Variants in COL11A1 observed in about 807,000 individuals in gnomAD.
COL11A1 encodes the protein collagen alpha-1(XI) chain.
A neutral mutation model predicts 265.2 loss-of-function variants in COL11A1; 74 were observed. That is an observed-to-expected ratio of 0.28 (90% CI 0.23 to 0.34). COL11A1 has a LOEUF of 0.34. Ranked by LOEUF, COL11A1 falls within the 10% of genes least tolerant of loss-of-function variation. COL11A1 has a pLI of 1.00. For synonymous variants in COL11A1, 816 were observed against 727.6 expected (o/e 1.12, Z -1.96); for missense variants, 2,165 against 2,263.6 (o/e 0.96, Z 0.88).
At chr1:102,905,756 C>G (rs1446490349) in intron 54 of COL11A1, among the ~76,000 whole-genome samples, 1 of 151,938 alleles carries the variant, frequency 6.6e-6, no homozygotes, top group Non-Finnish European at 1.5e-5. Flanking sequence ...AAGGGATAAC[C>G]AATTTATATT....
chr1:102,929,811 C>A (rs1309919137), intron 46 of COL11A1, among the ~76,000 whole-genome samples: 1 of 152,058 alleles, frequency 6.6e-6, no homozygotes, highest in Admixed American at 6.5e-5. Flanking sequence ...CCTTCACATC[C>A]TTGTAAGTTG....
chr1:103,066,921 CA>C (rs1364608929), intron 4 of COL11A1, among the ~76,000 whole-genome samples: 2 of 151,464 alleles, frequency 1.3e-5, no homozygotes, highest in Non-Finnish European at 3.0e-5. Context: ...GACGTCAAGG[CA>C]AAAAATACTA....
intron 35 of COL11A1, among the ~76,000 whole-genome samples, chr1:102,976,458 C>T (rs1662505278): frequency 6.6e-6 from 1 of 151,830 alleles, no homozygotes; most frequent in Non-Finnish European, 1.5e-5. Flanking sequence ...ACCACCATGC[C>T]CAGCTAATTT....
chr1:103,031,294 T>C (rs1667979905), intron 4 of COL11A1, 50 bp from the exon 5 acceptor site: 2 of 1,581,726 alleles, frequency 1.3e-6, no homozygotes, highest in South Asian at 1.1e-5. Context: ...TCAGTTAGCA[T>C]ATTAAAGTAC....
intron 38 of COL11A1, among the ~76,000 whole-genome samples, 159 bp from the exon 39 acceptor site, chr1:102,962,919 A>G (rs898618644): frequency 1.3e-4 from 20 of 152,356 alleles, no homozygotes; most frequent in Admixed American, 1.2e-3. Context: ...TGAAAGTAGC[A>G]TATCAAGTAA....
chr1:103,083,238 GTGTC>G (rs1672567196), intron 1 of COL11A1, among the ~76,000 whole-genome samples: 1 of 74,572 alleles, frequency 1.3e-5, no homozygotes, highest in East Asian at 3.4e-4. Context: ...GTGTGTGTGT[GTGTC>G]TGTGTCTGTG....
In COL11A1 at chr1:102,914,753, G is replaced by A. The variant is rs1043927378; in HGVS notation, c.3875C>T (p.Pro1292Leu). The stretch of plus-strand genomic sequence containing the variant: ...ACCTGGTGGCCCCTTGGCACCTGGA[G>A]GTCCAGCAGCTCCAGGTGGACCAGC... ...GEAGPPGAAG[P>L]PGAKGPPGDD... The change falls in exon 51 of 67, where the codon CCT (proline) becomes CTT (leucine). Residue 1292 changes from proline to leucine, a missense_variant. Physicochemically the swap from Pro to Leu is moderately conservative, Grantham distance 98 (BLOSUM62 -3). Transcript: ENST00000370096. 2 of 1,613,232 alleles carry A rather than the reference G, an allele frequency of 1.2e-6. No individual in the cohort carries two copies. The highest frequency in any genetic ancestry group is 1.7e-5 in the Admixed American group (1 of 59,914).
At chr1:102,883,820 AC>A (rs991537951) in intron 63 of COL11A1, among the ~76,000 whole-genome samples, 7 of 151,276 alleles carry the variant, frequency 4.6e-5, no homozygotes, top group Admixed American at 3.3e-4. Context: ...AAAAAAAAAA[AC>A]TTCTTGCAAT....
At chr1:103,068,101 A>G (rs891273045) in intron 4 of COL11A1, among the ~76,000 whole-genome samples, 2 of 151,694 alleles carry the variant, frequency 1.3e-5, no homozygotes, top group Non-Finnish European at 1.5e-5. Context: ...TTATGAAGCC[A>G]GTATAACCCT....
intron 63 of COL11A1, 64 bp from the exon 64 acceptor site, chr1:102,883,375 T>C: frequency 1.0e-6 from 1 of 989,714 alleles, no homozygotes; most frequent in Non-Finnish European, 1.6e-6. Context: ...ATGCATTAGA[T>C]GTCAAATTTT....
At chr1:103,010,359 A>G (rs1428263530) in intron 14 of COL11A1, among the ~76,000 whole-genome samples, 2 of 152,188 alleles carry the variant, frequency 1.3e-5, no homozygotes, top group Admixed American at 1.3e-4. Flanking sequence ...TGGTAAAAAG[A>G]AACAATATGA....
intron 15 of COL11A1, 22 bp from the exon 16 acceptor site, chr1:103,006,337 A>C (rs751666545): frequency 1.9e-6 from 3 of 1,592,988 alleles, no homozygotes; most frequent in East Asian, 4.5e-5. Context: ...CATCATAATT[A>C]AACCATATTA....
rs769489959 is a variant in COL11A1, at chr1:102,883,328, AAT to A, written c.4859-19_4859-18del. The A allele has an allele frequency of 2.0e-6, 3 of 1,476,776 alleles. No homozygotes were observed. The highest frequency in any genetic ancestry group is 2.3e-5 in the South Asian group (2 of 88,344). The allele number at this position is 1,476,776 out of a possible 1,614,324, so 91.5% of individuals were successfully genotyped here. On this transcript the variant is annotated intron_variant, in intron 63 of 66. Coordinates refer to ENST00000370096, the MANE Select transcript of COL11A1 (RefSeq NM_001854.4). ...AATATTCACCTAGAAGGTAGCAAAA[AAT>A]ATGTCATATAAAAATTCATTGACAT...
chr1:102,961,634 A>T (rs887333487), intron 41 of COL11A1: 1 of 472,584 alleles, frequency 2.1e-6, no homozygotes, highest in African/African-American at 2.0e-5. Flanking sequence ...GAAGCAAGAT[A>T]TCTCCTTTTA....
intron 30 of COL11A1, 35 bp downstream of exon 30, chr1:102,987,598 C>T: frequency 6.8e-7 from 1 of 1,460,932 alleles, no homozygotes; most frequent in Non-Finnish European, 9.6e-7. Context: ...ACATCAGCTG[C>T]AAGAGTACCA....
In COL11A1 at chr1:103,014,416, T is replaced by G. The variant is rs1406753390; in HGVS notation, c.1572+95A>C. 3 of 1,036,976 alleles carry G rather than the reference T, an allele frequency of 2.9e-6. No homozygotes were observed. The African/African-American group carries it at 4.7e-5, about 16-fold the overall frequency. The allele number at this position is 1,036,976 out of a possible 1,614,324, so 64.2% of individuals were successfully genotyped here. On this transcript the variant is annotated intron_variant, in intron 13 of 66. Transcript: ENST00000370096. ...TAACACAGTATTCGGAAGTAAATAT[T>G]CTATTAATAATGGTAGCATCTTCCG...
intron 4 of COL11A1, among the ~76,000 whole-genome samples, chr1:103,040,799 T>C (rs1668750614): frequency 6.6e-6 from 1 of 151,698 alleles, no homozygotes; most frequent in South Asian, 2.1e-4. Context: ...TTTTTATTTT[T>C]CTTTAACTTT....
At chr1:102,966,104 T>C (rs1661379336) in intron 37 of COL11A1, among the ~76,000 whole-genome samples, 1 of 152,310 alleles carries the variant, frequency 6.6e-6, no homozygotes, top group South Asian at 2.1e-4. Context: ...TGAAAATAAT[T>C]CAGTCATTAA....
intron 1 of COL11A1, among the ~76,000 whole-genome samples, chr1:103,104,597 T>G (rs1281873091): frequency 6.6e-6 from 1 of 152,104 alleles, no homozygotes; most frequent in Non-Finnish European, 1.5e-5. Flanking sequence ...AATTGTCACT[T>G]TAAGATATTA....
Sources: allele counts gnomAD v4.1 joint callset (sites outside exome capture counted in the v4.1 genomes callset), GRCh38; gene constraint gnomAD v4.1.1; transcripts MANE v1.5; gene names NCBI Gene and HGNC (gene_info 2026-07-23, HGNC 2026-07-21).